Variants in LRP1B observed in about 807,000 individuals in gnomAD.
LRP1B encodes the protein LDL receptor related protein 1B, also known as low-density lipoprotein receptor-related protein 1B.
In LRP1B, 217 loss-of-function variants were observed where a neutral mutation model predicts 556.6. That is an observed-to-expected ratio of 0.39 (90% CI 0.35 to 0.44). The LOEUF (loss-of-function observed/expected upper bound fraction) is 0.44, where lower values mean the gene tolerates loss of function less well. Ranked by LOEUF, LRP1B falls within the 20% of genes least tolerant of loss-of-function variation. The pLI is 1.00. For synonymous variants in LRP1B, 2,047 were observed against 1,865.8 expected (o/e 1.10, Z -2.50); for missense variants, 5,053 against 5,620.8 (o/e 0.90, Z 3.23).
At chr2:140,260,449 C>G (rs1455769527) in intron 86 of LRP1B, among the ~76,000 whole-genome samples, 3 of 151,626 alleles carry the variant, frequency 2.0e-5, no homozygotes, top group African/African-American at 7.3e-5. Flanking sequence ...GCCTTTAATA[C>G]TTTTCTCTGT....
chr2:140,381,871 A>G (rs1290809385), intron 67 of LRP1B, among the ~76,000 whole-genome samples: 1 of 129,152 alleles, frequency 7.7e-6, no homozygotes. Context: ...CAAAAAAAAA[A>G]AAAAAAAAAA....
intron 7 of LRP1B, among the ~76,000 whole-genome samples, chr2:141,078,807 T>C (rs942918323): frequency 5.9e-5 from 9 of 151,932 alleles, no homozygotes; most frequent in Non-Finnish European, 1.2e-4. Flanking sequence ...TGCTGTCAAT[T>C]AAAAAAAAGA....
intron 32 of LRP1B, among the ~76,000 whole-genome samples, chr2:140,785,149 G>A (rs1231199074): frequency 6.6e-6 from 1 of 152,120 alleles, no homozygotes; most frequent in Non-Finnish European, 1.5e-5. Context: ...AGACAAGAAT[G>A]TCTGAAAAGA....
At chr2:140,529,442 G>A (rs77068476) in intron 47 of LRP1B, among the ~76,000 whole-genome samples, 3,937 of 149,848 alleles carry the variant, frequency 0.026, 116 homozygotes, top group African/African-American at 0.069. Context: ...AGGGGGGGGG[G>A]AAGCATTAAG....
intron 2 of LRP1B, among the ~76,000 whole-genome samples, chr2:141,525,171 T>C (rs1173856755): frequency 1.3e-5 from 2 of 152,228 alleles, no homozygotes; most frequent in Admixed American, 6.6e-5. Flanking sequence ...AGCAATCTTT[T>C]AACACCTGGC....
chr2:141,486,648 C>G (rs1396107690), intron 2 of LRP1B, among the ~76,000 whole-genome samples: 1 of 152,080 alleles, frequency 6.6e-6, no homozygotes, highest in Non-Finnish European at 1.5e-5. Context: ...GGGTCTTGTC[C>G]TATCTAGAAT....
chr2:140,483,043 T>C (rs1314333709), intron 59 of LRP1B, among the ~76,000 whole-genome samples: 1 of 152,190 alleles, frequency 6.6e-6, no homozygotes, highest in Non-Finnish European at 1.5e-5. Flanking sequence ...CCAAGTTGCC[T>C]GATTTTCTCA....
intron 7 of LRP1B, among the ~76,000 whole-genome samples, chr2:141,104,941 G>A (rs1009324282): frequency 3.3e-5 from 5 of 151,942 alleles, no homozygotes; most frequent in African/African-American, 4.8e-5. Context: ...TCATGGACTC[G>A]AACCACTCTA....
chr2:141,174,611 A>C (rs1680655601), intron 7 of LRP1B, among the ~76,000 whole-genome samples: 1 of 152,090 alleles, frequency 6.6e-6, no homozygotes, highest in Admixed American at 6.6e-5. Flanking sequence ...ACTTCTGTTA[A>C]GTCGGAGGAA....
At position 140,594,289 on chromosome 2, in the gene LRP1B, C is replaced by A. The variant is rs189281271; in HGVS notation, c.7194+4342G>T. 3.5e-3 allele frequency among the ~76,000 whole-genome samples: 526 copies of A among 152,232 alleles called. 2 individuals are homozygous for A. The highest frequency in any genetic ancestry group is 4.8e-3 in the South Asian group (23 of 4,830). On this transcript the variant is annotated intron_variant, in intron 43 of 90. Coordinates refer to ENST00000389484, the MANE Select transcript of LRP1B (RefSeq NM_018557.3). ...CTGGCCCATGTTAAAAAAATTAAAA[C>A]AAACAAGCAAAAATCATCTGTTTTC...
At chr2:141,037,003 G>C (rs1219637953) in intron 11 of LRP1B, among the ~76,000 whole-genome samples, 1 of 151,970 alleles carries the variant, frequency 6.6e-6, no homozygotes, top group East Asian at 1.9e-4. Context: ...CTAAGACCAA[G>C]ACTGGCACAA....
intron 21 of LRP1B, among the ~76,000 whole-genome samples, chr2:140,920,332 A>T (rs1218785403): frequency 2.6e-5 from 4 of 152,028 alleles, no homozygotes; most frequent in African/African-American, 7.2e-5. Flanking sequence ...ATAGGAATTT[A>T]AAAACCTACT....
chr2:141,552,421 G>A (rs889533016), intron 2 of LRP1B, among the ~76,000 whole-genome samples: 1 of 151,918 alleles, frequency 6.6e-6, no homozygotes. Context: ...TTGGTAATAT[G>A]CTTAAAACAA....
At chr2:140,595,109 T>C (rs1216601155) in intron 43 of LRP1B, among the ~76,000 whole-genome samples, 4 of 63,614 alleles carry the variant, frequency 6.3e-5, no homozygotes, top group Admixed American at 1.6e-4. Context: ...TATATATATA[T>C]ATATATATAT....
chr2:140,676,389 G>A (rs144482861), intron 41 of LRP1B, among the ~76,000 whole-genome samples: 1 of 152,264 alleles, frequency 6.6e-6, no homozygotes, highest in African/African-American at 2.4e-5. Flanking sequence ...TAATCCCGCT[G>A]TTAAAATTTG....
intron 1 of LRP1B, among the ~76,000 whole-genome samples, chr2:141,979,399 G>A (rs1269233730): frequency 6.6e-6 from 1 of 152,072 alleles, no homozygotes; most frequent in African/African-American, 2.4e-5. Flanking sequence ...TTATATTGAT[G>A]TAAAGTCTAT....
chr2:141,958,946 A>G (rs1417115729), intron 1 of LRP1B, among the ~76,000 whole-genome samples: 4 of 151,866 alleles, frequency 2.6e-5, no homozygotes, highest in South Asian at 2.1e-4. Context: ...CTTTATTCTT[A>G]TTTCTTGTGC....
chr2:140,877,786 T>A (rs1693355259), intron 25 of LRP1B, among the ~76,000 whole-genome samples: 1 of 152,138 alleles, frequency 6.6e-6, no homozygotes, highest in Admixed American at 6.5e-5. Context: ...TGGATTGATG[T>A]CTCATGTCTC....
chr2:141,679,428 C>G (rs2105427075), intron 2 of LRP1B, among the ~76,000 whole-genome samples: 1 of 152,080 alleles, frequency 6.6e-6, no homozygotes, highest in South Asian at 2.1e-4. Flanking sequence ...TTCAAATAAA[C>G]AAAAATCTAA....
Sources: allele counts gnomAD v4.1 joint callset (sites outside exome capture counted in the v4.1 genomes callset), GRCh38; gene constraint gnomAD v4.1.1; transcripts MANE v1.5; gene names NCBI Gene and HGNC (gene_info 2026-07-23, HGNC 2026-07-21).